EQTN: variants seen among roughly 807,000 people sequenced by gnomAD.
EQTN encodes the protein equatorin, also known as Acrosome formation associated factor.
In EQTN, 29 loss-of-function variants were observed where a neutral mutation model predicts 26.9. The ratio of observed to expected loss-of-function variants is 1.08; its 90% CI spans 0.80 to 1.47. The LOEUF is 1.47. Among genes scored for constraint, EQTN ranks in the 40% most tolerant of loss-of-function variants. The pLI is 0.00. For missense variants in EQTN, 391 were observed against 346.1 expected (o/e 1.13, Z -1.03); for synonymous variants, 129 against 120.0 (o/e 1.07, Z -0.49).
intron 1 of EQTN, 52 bp downstream of exon 1, chr9:27,296,928 G>C (rs1820356860): frequency 1.3e-6 from 2 of 1,594,878 alleles, no homozygotes; most frequent in East Asian, 4.5e-5. Flanking sequence ...TCATGATTAT[G>C]GGTCATCCTT....
At chr9:27,285,841 T>C (rs1050322039) in intron 7 of EQTN, among the ~76,000 whole-genome samples, 1 of 152,178 alleles carries the variant, frequency 6.6e-6, no homozygotes, top group African/African-American at 2.4e-5. Context: ...GTGATAGAGA[T>C]TGGCTGTTTT....
At chr9:27,292,095 G>A (rs552378988) in intron 4 of EQTN, 7 of 166,318 alleles carry the variant, frequency 4.2e-5, no homozygotes, top group African/African-American at 7.1e-5. Context: ...AAATACATTC[G>A]ACATATATTT....
chr9:27,292,532 G>A (rs111414402), intron 3 of EQTN, 45 bp from the exon 4 acceptor site: 14 of 1,111,782 alleles, frequency 1.3e-5, no homozygotes, highest in South Asian at 4.3e-5. Flanking sequence ...AAATACTGAC[G>A]AAACATCTGA....
chr9:27,286,626 C>A (rs944358277), intron 6 of EQTN, among the ~76,000 whole-genome samples: 1 of 152,182 alleles, frequency 6.6e-6, no homozygotes, highest in Non-Finnish European at 1.5e-5. Flanking sequence ...TCTGTGTTTG[C>A]GCATAGCACA....
At chr9:27,286,733 G>C (rs2131303902) in intron 6 of EQTN, among the ~76,000 whole-genome samples, 1 of 152,292 alleles carries the variant, frequency 6.6e-6, no homozygotes, top group Non-Finnish European at 1.5e-5. Context: ...TGTCTGAAGA[G>C]ATTATTATTC....
rs200825451 is a variant in EQTN, at chr9:27,286,344, G to A, written c.500C>T (p.Thr167Ile). The stretch of plus-strand genomic sequence containing the variant: ...TAGATCTGGCTGATTTTCTCCCTGT[G>A]TAGCATTCACATCAGACTCTGAAAA... Reference protein sequence around the residue: ...HPIPESDVNATQGENQPDLED... With the variant: ...HPIPESDVNAIQGENQPDLED... The change falls in exon 7 of 8, where the codon ACA becomes ATA. Residue 167 changes from threonine (T) to isoleucine (I), a missense_variant. Thr to Ile is a moderately conservative substitution (Grantham distance 89). Coordinates refer to ENST00000380032, the MANE Select transcript of EQTN (RefSeq NM_020641.3). 2.5e-6 allele frequency: 4 copies of A among 1,597,436 alleles called. No homozygotes were observed. In the African/African-American group the frequency reaches 4.0e-5, roughly 16 times the overall value.
chr9:27,293,735 C>T (rs1215460639), intron 3 of EQTN, among the ~76,000 whole-genome samples: 7 of 152,170 alleles, frequency 4.6e-5, no homozygotes, highest in African/African-American at 1.4e-4. Context: ...AGCAAGATTC[C>T]CGTAAGTGAT....
chr9:27,292,552 T>A (rs1271485533), intron 3 of EQTN, 65 bp from the exon 4 acceptor site: 11 of 910,268 alleles, frequency 1.2e-5, no homozygotes, highest in Non-Finnish European at 1.9e-5. Flanking sequence ...AGAATAGATA[T>A]TTTTTAATAT....
At chr9:27,294,246 T>A (rs1377036853) in intron 3 of EQTN, 70 bp downstream of exon 3, 3 of 1,022,194 alleles carry the variant, frequency 2.9e-6, no homozygotes, top group Non-Finnish European at 4.4e-6. Context: ...TCCCCAACAG[T>A]CTCTTATTGC....
intron 2 of EQTN, among the ~76,000 whole-genome samples, chr9:27,295,869 C>G (rs1374373461): frequency 7.2e-6 from 1 of 138,990 alleles, no homozygotes; most frequent in Non-Finnish European, 1.5e-5. Context: ...GATAAAATTA[C>G]TTTTAAAATT....
chr9:27,295,607 G>A lies in EQTN; in HGVS notation c.202+1006C>T, dbSNP rs894898215. ...CCAGCACTTTGGGAGGCCGAGGCGG[G>A]CGGATCACGAGGTCAGGAGATCGAG... On this transcript the variant is annotated intron_variant, in intron 2 of 7. Transcript: ENST00000380032. 5.9e-5 allele frequency among the ~76,000 whole-genome samples: 9 copies of A among 152,238 alleles called. No homozygotes were observed. The South Asian group carries it at 1.7e-3, about 28-fold the overall frequency.
At chr9:27,295,730 G>A (rs1181435445) in intron 2 of EQTN, among the ~76,000 whole-genome samples, 2 of 150,922 alleles carry the variant, frequency 1.3e-5, no homozygotes, top group African/African-American at 4.9e-5. Context: ...TACTCAGGAG[G>A]CTGAGGCAGG....
intron 4 of EQTN, 72 bp downstream of exon 4, chr9:27,292,329 T>G (rs1194040344): frequency 4.9e-5 from 46 of 941,176 alleles, no homozygotes; most frequent in Non-Finnish European, 5.6e-5. Flanking sequence ...ATGCTCAGAG[T>G]AGTGAAACTT....
intron 6 of EQTN, among the ~76,000 whole-genome samples, chr9:27,286,870 AGC>A (rs1820135281): frequency 6.6e-6 from 1 of 152,154 alleles, no homozygotes; most frequent in Non-Finnish European, 1.5e-5. Flanking sequence ...TCCTCCATGA[AGC>A]TTAAGGGCTA....
At chr9:27,285,064 G>T in intron 7 of EQTN, 92 bp from the exon 8 acceptor site, 1 of 1,120,378 alleles carries the variant, frequency 8.9e-7, no homozygotes, top group Non-Finnish European at 1.2e-6. Flanking sequence ...TAAAATATAC[G>T]AATTTTGCCC....
Position 27,289,703 on chromosome 9 carries a change from A to C in EQTN, c.450T>G (p.Asp150Glu), listed in dbSNP as rs367578113. The stretch of plus-strand genomic sequence containing the variant: ...TTGGGTGAAATAATTGATCTTTATC[A>C]TCCATGACCACTGCTGTTCCATTTA... ...KAINGTAVVM[D>E]DKDQLFHPIP... Residue 150 changes from aspartate (D) to glutamate (E), a missense_variant, in exon 6 of 8, where the codon GAT becomes GAG. Physicochemically the swap from Asp to Glu is conservative, Grantham distance 45. Transcript: ENST00000380032. 6 of 1,608,204 alleles carry C rather than the reference A, an allele frequency of 3.7e-6. No individual in the cohort carries two copies. Among genetic ancestry groups the C allele is most frequent in the Non-Finnish European group, 4.2e-6 (5 of 1,177,060 alleles).
chr9:27,288,060 C>G (rs751439015), intron 6 of EQTN, among the ~76,000 whole-genome samples: 2 of 152,176 alleles, frequency 1.3e-5, no homozygotes, highest in Non-Finnish European at 2.9e-5. Context: ...CCTGCCTCAG[C>G]CTCCCAAAGT....
chr9:27,297,082 A>T lies in EQTN; in HGVS notation c.-27T>A. The T allele has an allele frequency of 6.5e-7, 1 of 1,531,310 alleles. No homozygotes were observed. Among genetic ancestry groups the T allele is most frequent in the South Asian group, 1.1e-5 (1 of 87,910 alleles). The allele number at this position is 1,531,310 out of a possible 1,614,324, so 94.9% of individuals were successfully genotyped here. A position where few individuals can be genotyped will look rare whatever the true frequency, so the allele number is the denominator to read the frequency against. On this transcript the variant is annotated 5_prime_UTR_variant, in exon 1 of 8. Coordinates refer to ENST00000380032, the MANE Select transcript of EQTN (RefSeq NM_020641.3). ...GGGAAATTGAAGTGATTTATCCAGT[A>T]ATCTAGTGCGTCTACCCAGAGCCTC...
At chr9:27,285,132 CCTTTTT>C (rs1820093364) in intron 7 of EQTN, among the ~76,000 whole-genome samples, 160 bp from the exon 8 acceptor site, 1 of 109,250 alleles carries the variant, frequency 9.2e-6, no homozygotes, top group Non-Finnish European at 1.8e-5. Context: ...CTTTTCTTTT[CCTTTTT>C]TTTTTTTTTT....
Sources: allele counts gnomAD v4.1 joint callset (sites outside exome capture counted in the v4.1 genomes callset), GRCh38; gene constraint gnomAD v4.1.1; transcripts MANE v1.5; gene names NCBI Gene and HGNC (gene_info 2026-07-23, HGNC 2026-07-21).